FAM193A: variants seen among roughly 807,000 people sequenced by gnomAD.
FAM193A encodes the protein family with sequence similarity 193 member A, also known as protein FAM193A.
In FAM193A, 22 loss-of-function variants were observed where a neutral mutation model predicts 126.5. That is an observed-to-expected ratio of 0.17 (90% CI 0.12 to 0.25). FAM193A has a LOEUF of 0.25. FAM193A is among the 10% of genes least tolerant of loss of function. FAM193A has a pLI of 1.00. For missense variants in FAM193A, 1,675 were observed against 1,672.8 expected (o/e 1.00, Z -0.02); for synonymous variants, 761 against 646.8 (o/e 1.18, Z -2.68).
Position 2,731,921 on chromosome 4 carries a change from C to T in FAM193A, c.*53C>T. 1 of 1,351,256 alleles carries T rather than the reference C, an allele frequency of 7.4e-7. No homozygotes were observed. Among genetic ancestry groups the T allele is most frequent in the Non-Finnish European group, 1.1e-6 (1 of 942,930 alleles). 83.7% of individuals were successfully genotyped at this position (1,351,256 alleles called of 1,614,324 possible). On this transcript the variant is annotated 3_prime_UTR_variant, in exon 21 of 21. Transcript: ENST00000637812. ...GAGAGGCAGGCCAGGCTGCACCACCCCAAGAGCCACGCCCCTCGCTGGCGC... is the reference window on the plus strand; with the variant it reads ...GAGAGGCAGGCCAGGCTGCACCACCTCAAGAGCCACGCCCCTCGCTGGCGC...
intron 12 of FAM193A, among the ~76,000 whole-genome samples, chr4:2,665,602 G>A (rs541771271): frequency 6.6e-6 from 1 of 152,196 alleles, no homozygotes; most frequent in Non-Finnish European, 1.5e-5. Flanking sequence ...TCAAACAGCT[G>A]GGCTCAAGCA....
At chr4:2,639,160 T>C (rs889056876) in intron 5 of FAM193A, among the ~76,000 whole-genome samples, 1 of 152,208 alleles carries the variant, frequency 6.6e-6, no homozygotes, top group Admixed American at 6.5e-5. Flanking sequence ...CATCACTCTC[T>C]ATGATGACTG....
chr4:2,553,099 C>T (rs941720258), intron 1 of FAM193A, among the ~76,000 whole-genome samples: 8 of 151,998 alleles, frequency 5.3e-5, no homozygotes, highest in African/African-American at 1.9e-4. Context: ...CCACCGGCCT[C>T]GGTCTCCCAG....
intron 18 of FAM193A, among the ~76,000 whole-genome samples, chr4:2,697,973 G>T (rs1212771454): frequency 6.6e-6 from 1 of 152,182 alleles, no homozygotes; most frequent in African/African-American, 2.4e-5. Context: ...CCTTGCAGGT[G>T]GTCTGAATCC....
At chr4:2,620,620 G>A (rs1044669133) in intron 2 of FAM193A, among the ~76,000 whole-genome samples, 31 of 152,106 alleles carry the variant, frequency 2.0e-4, no homozygotes, top group African/African-American at 7.0e-4. Context: ...GCTGAGGCAG[G>A]CGGGATCGCC....
chr4:2,716,949 T>G (rs1052691687), intron 20 of FAM193A, among the ~76,000 whole-genome samples: 1 of 152,076 alleles, frequency 6.6e-6, no homozygotes, highest in Admixed American at 6.6e-5. Context: ...GTGCTGTGAT[T>G]ACAGGCGTGA....
chr4:2,619,815 C>G (rs944414888), intron 2 of FAM193A, among the ~76,000 whole-genome samples: 1 of 152,130 alleles, frequency 6.6e-6, no homozygotes, highest in Non-Finnish European at 1.5e-5. Flanking sequence ...CTCAACCTCT[C>G]GAGTGGCTGG....
Position 2,596,099 on chromosome 4 carries a change from G to C in FAM193A, c.271G>C (p.Gly91Arg). The change falls in exon 2 of 21, where the codon GGC (glycine) becomes CGC (arginine). Residue 91 changes from glycine to arginine, a missense_variant. Around this residue, in one of 4 missense-constraint regions of FAM193A, gnomAD observed 1,186 missense variants for 1,109.2 expected, o/e 1.07. Transcript: ENST00000637812. The stretch of plus-strand genomic sequence containing the variant: ...TCTATTCCAGACTCCTTTTAGTTTT[G>C]GCATGAATCATAGGACACCACCCTA... Reference protein sequence around the residue: ...GGYFETPFSFGMNHRTPPYPA... With the variant: ...GGYFETPFSFRMNHRTPPYPA... 2 of 700,838 alleles carry C rather than the reference G, an allele frequency of 2.9e-6. No individual in the cohort carries two copies. Among genetic ancestry groups the C allele is most frequent in the Non-Finnish European group, 5.2e-6 (2 of 383,912 alleles). 43.4% of individuals were successfully genotyped at this position (700,838 alleles called of 1,614,324 possible).
intron 1 of FAM193A, among the ~76,000 whole-genome samples, chr4:2,552,126 C>G (rs1429494748): frequency 6.6e-6 from 1 of 151,648 alleles, no homozygotes; most frequent in African/African-American, 2.4e-5. Flanking sequence ...ATTCTCCTGC[C>G]TCAGCCTCCG....
chr4:2,674,202 T>A (rs1258783423), intron 13 of FAM193A, among the ~76,000 whole-genome samples: 2 of 152,246 alleles, frequency 1.3e-5, no homozygotes, highest in African/African-American at 4.8e-5. Context: ...GGTATGAAAA[T>A]GTTCGTTTCT....
intron 13 of FAM193A, among the ~76,000 whole-genome samples, chr4:2,686,605 C>T (rs1269511947): frequency 6.6e-6 from 1 of 152,332 alleles, no homozygotes; most frequent in East Asian, 1.9e-4. Flanking sequence ...TAAGCAAGAG[C>T]TCTCTGAACA....
At chr4:2,642,592 T>C (rs1034416665) in intron 6 of FAM193A, among the ~76,000 whole-genome samples, 1 of 151,962 alleles carries the variant, frequency 6.6e-6, no homozygotes, top group Non-Finnish European at 1.5e-5. Context: ...GATATGCATC[T>C]TGGGAGAGGG....
chr4:2,678,361 T>TTTG (rs1714683020), intron 13 of FAM193A, among the ~76,000 whole-genome samples: 1 of 116,036 alleles, frequency 8.6e-6, no homozygotes, highest in African/African-American at 3.5e-5. Context: ...GTTTTGGTGG[T>TTTG]TTTTTTTTTT....
Position 2,581,142 on chromosome 4 carries a change from A to AAC in FAM193A, c.256-14941_256-14940insCA, listed in dbSNP as rs201741863. Among the ~76,000 whole-genome samples the AAC allele has an allele frequency of 4.1e-5, 6 of 146,886 alleles. No homozygotes were observed. In the South Asian group the frequency reaches 8.7e-4, roughly 21 times the overall value. Reference sequence around the variant, plus strand: ...AGACTCCGTCTCAAAAAACAACAACAAAAAAAAAACCACTGATTTATTTTA... The same window carrying AAC: ...AGACTCCGTCTCAAAAAACAACAACAACAAAAAAAAACCACTGATTTATTTTA... On this transcript the variant is annotated intron_variant, in intron 1 of 20. Transcript: ENST00000637812.
At chr4:2,604,706 G>A (rs1741424199) in intron 2 of FAM193A, among the ~76,000 whole-genome samples, 1 of 148,056 alleles carries the variant, frequency 6.8e-6, no homozygotes, top group African/African-American at 2.5e-5. Flanking sequence ...GTGTTAGTCT[G>A]TTTAGGTGTT....
intron 1 of FAM193A, among the ~76,000 whole-genome samples, chr4:2,575,612 G>A (rs1350922654): frequency 7.3e-5 from 11 of 150,032 alleles, no homozygotes; most frequent in African/African-American, 2.5e-4. Flanking sequence ...GATTACAGGC[G>A]CCCACCACTA....
At chr4:2,655,013 T>A (rs1478203857) in intron 7 of FAM193A, 1 of 649,330 alleles carries the variant, frequency 1.5e-6, no homozygotes, top group Non-Finnish European at 2.8e-6. Context: ...GATAGGTTTA[T>A]CTCATCTTTT....
At chr4:2,641,344 A>G (rs558612707) in intron 6 of FAM193A, among the ~76,000 whole-genome samples, 62 of 151,872 alleles carry the variant, frequency 4.1e-4, no homozygotes, top group African/African-American at 1.3e-3. Context: ...ACCATGCCCA[A>G]TCTGCTTTTT....
At chr4:2,575,648 G>A (rs1425119755) in intron 1 of FAM193A, among the ~76,000 whole-genome samples, 1 of 151,876 alleles carries the variant, frequency 6.6e-6, no homozygotes, top group African/African-American at 2.4e-5. Flanking sequence ...TGTATTTTTA[G>A]TAGAGACGGG....
Sources: gnomAD v4.1 joint callset for allele counts (sites outside exome capture counted in the v4.1 genomes callset) on GRCh38, gnomAD v4.1.1 for gene constraint, gnomAD v4.1.1 regional missense constraint, MANE v1.5 for transcripts, NCBI Gene and HGNC (gene_info 2026-07-23, HGNC 2026-07-21) for gene names.